PRKCH: variants seen among roughly 807,000 people sequenced by gnomAD.
The protein encoded by PRKCH is protein kinase C eta, also known as protein kinase C eta type.
A neutral mutation model predicts 82.5 loss-of-function variants in PRKCH; 28 were observed. That is an observed-to-expected ratio of 0.34 (90% CI 0.25 to 0.47). The LOEUF (loss-of-function observed/expected upper bound fraction) is 0.47. Ranked by LOEUF, PRKCH falls within the 20% of genes least tolerant of loss-of-function variation. The pLI is 1.00. For synonymous variants in PRKCH, 322 were observed against 327.4 expected (o/e 0.98, Z 0.18); for missense variants, 705 against 881.8 (o/e 0.80, Z 2.54).
chr14:61,485,622 C>G lies in PRKCH; in HGVS notation c.1399C>G (p.Leu467Val), dbSNP rs998164413. 11 of 1,614,074 alleles carry G rather than the reference C, an allele frequency of 6.8e-6. No homozygotes were observed. Among genetic ancestry groups the G allele is most frequent in the Non-Finnish European group, 9.3e-6 (11 of 1,179,980 alleles). Residue 467 changes from leucine to valine, a missense_variant, in exon 10 of 14, where the codon CTC becomes GTC. Physicochemically the swap from Leu to Val is conservative, Grantham distance 32. This residue lies in a region of PRKCH where 238 missense variants were observed against 258.1 expected (regional missense o/e 0.92). Coordinates refer to ENST00000332981, the MANE Select transcript of PRKCH (RefSeq NM_006255.5). ...CTATGCTGCAGAAATCATTTCGGCT[C>G]TCATGTTCCTCCATGATAAAGGAAT... is the stretch of plus-strand genomic sequence containing the variant. Reference protein sequence around the residue: ...RFYAAEIISALMFLHDKGIIY... With the variant: ...RFYAAEIISAVMFLHDKGIIY...
Position 61,322,441 on chromosome 14 carries a change from G to A in PRKCH, c.340G>A (p.Ala114Thr). ...CCAGGAGCTGCTGCGCACGACCGGC[G>A]CCTCGGACACCTTCGAGGGTTGGGT... ...QFQELLRTTG[A>T]SDTFEGWVDL... The change falls in exon 1 of 14, where the codon GCC (alanine) becomes ACC (threonine). Residue 114 changes from alanine to threonine, a missense_variant. Coordinates refer to ENST00000332981, the MANE Select transcript of PRKCH (RefSeq NM_006255.5). 1 of 1,596,990 alleles carries A rather than the reference G, an allele frequency of 6.3e-7. No individual in the cohort carries two copies. Among genetic ancestry groups the A allele is most frequent in the East Asian group, 2.3e-5 (1 of 44,354 alleles).
At chr14:61,490,850 G>T (rs1225911586) in intron 10 of PRKCH, among the ~76,000 whole-genome samples, 1 of 152,154 alleles carries the variant, frequency 6.6e-6, no homozygotes, top group African/African-American at 2.4e-5. Context: ...CACGGGAGGT[G>T]TAGGTTGCAG....
At chr14:61,487,415 T>C (rs1333753959) in intron 10 of PRKCH, among the ~76,000 whole-genome samples, 1 of 152,132 alleles carries the variant, frequency 6.6e-6, no homozygotes, top group Non-Finnish European at 1.5e-5. Flanking sequence ...GATCACAGCA[T>C]TTTTTTCCCA....
chr14:61,194,394 A>G (rs1219660173), intron 1 of PRKCH, among the ~76,000 whole-genome samples: 1 of 152,220 alleles, frequency 6.6e-6, no homozygotes, highest in African/African-American at 2.4e-5. Flanking sequence ...TCAGGGTGAT[A>G]GCACTCTCAT....
intron 9 of PRKCH, among the ~76,000 whole-genome samples, chr14:61,481,814 T>G (rs917774356): frequency 2.6e-5 from 4 of 152,178 alleles, no homozygotes; most frequent in African/African-American, 9.7e-5. Flanking sequence ...GATCTTTTTT[T>G]AAATTGAAAA....
chr14:61,460,554 A>G lies in PRKCH; in HGVS notation c.1278+2875A>G, dbSNP rs192666059. On this transcript the variant is annotated intron_variant, in intron 9 of 13. Transcript: ENST00000332981. The stretch of plus-strand genomic sequence containing the variant: ...TTTATGTCTGTTATTTAATCCTTAT[A>G]GTAACCCTCTGAAATAAGTTCTGTT... Among the ~76,000 whole-genome samples the G allele has an allele frequency of 2.2e-3, 340 of 152,340 alleles. 3 individuals are homozygous for G. Among genetic ancestry groups the G allele is most frequent in the Non-Finnish European group, 2.4e-3 (162 of 68,030 alleles).
intron 1 of PRKCH, among the ~76,000 whole-genome samples, chr14:61,348,725 C>G (rs1046608515): frequency 1.3e-5 from 2 of 152,256 alleles, no homozygotes. Flanking sequence ...TAGGAGTCCT[C>G]CAGGCTCAGT....
intron 1 of PRKCH, among the ~76,000 whole-genome samples, chr14:61,310,700 A>C (rs2045516410): frequency 6.6e-6 from 1 of 152,256 alleles, no homozygotes. Flanking sequence ...TCCACTAGGC[A>C]GTGACCCAAT....
intron 1 of PRKCH, among the ~76,000 whole-genome samples, chr14:61,203,771 G>A (rs955026132): frequency 4.0e-4 from 61 of 152,076 alleles, no homozygotes; most frequent in African/African-American, 1.4e-3. Context: ...ATCCCAGGAG[G>A]TTGAGGCTGC....
chr14:61,548,043 C>T (rs1158266211), intron 13 of PRKCH, among the ~76,000 whole-genome samples, 157 bp downstream of exon 13: 2 of 152,220 alleles, frequency 1.3e-5, no homozygotes, highest in Non-Finnish European at 2.9e-5. Flanking sequence ...AATCTGGGCT[C>T]CTTGTCCATG....
chr14:61,406,946 AG>A (rs749428139), intron 2 of PRKCH, among the ~76,000 whole-genome samples: 29 of 151,158 alleles, frequency 1.9e-4, no homozygotes, highest in Non-Finnish European at 4.0e-4. Flanking sequence ...CTGTGATTGG[AG>A]TAGTGTATTA....
At chr14:61,516,003 A>G (rs1371969464) in intron 10 of PRKCH, among the ~76,000 whole-genome samples, 3 of 152,156 alleles carry the variant, frequency 2.0e-5, no homozygotes, top group Non-Finnish European at 4.4e-5. Context: ...ATAAGCCCAG[A>G]GTGGTTAAGT....
intron 10 of PRKCH, among the ~76,000 whole-genome samples, chr14:61,501,488 C>T (rs1013607551): frequency 1.9e-4 from 29 of 151,928 alleles, no homozygotes; most frequent in Non-Finnish European, 1.9e-4. Context: ...GAGTCTCGTA[C>T]GTTTCCTCAT....
At chr14:61,473,697 T>C (rs1042816979) in intron 9 of PRKCH, among the ~76,000 whole-genome samples, 3 of 152,108 alleles carry the variant, frequency 2.0e-5, no homozygotes, top group African/African-American at 7.2e-5. Flanking sequence ...GAAACTATAA[T>C]ATAAAATCTT....
At chr14:61,499,077 C>T (rs1886785382) in intron 10 of PRKCH, among the ~76,000 whole-genome samples, 1 of 152,108 alleles carries the variant, frequency 6.6e-6, no homozygotes, top group Admixed American at 6.5e-5. Flanking sequence ...CTCATTAAGC[C>T]ATGCATGTTA....
At chr14:61,396,474 C>G (rs528732654) in intron 2 of PRKCH, among the ~76,000 whole-genome samples, 5 of 152,006 alleles carry the variant, frequency 3.3e-5, no homozygotes, top group Non-Finnish European at 5.9e-5. Context: ...TAAAGATGAA[C>G]GAGACATAGA....
At chr14:61,300,580 C>A (rs1372462860) in intron 1 of PRKCH, among the ~76,000 whole-genome samples, 1 of 152,112 alleles carries the variant, frequency 6.6e-6, no homozygotes, top group African/African-American at 2.4e-5. Flanking sequence ...GAATTTAAAT[C>A]GTCATTGATA....
At chr14:61,256,826 T>A (rs949452011) in intron 1 of PRKCH, among the ~76,000 whole-genome samples, 2 of 152,220 alleles carry the variant, frequency 1.3e-5, no homozygotes, top group African/African-American at 4.8e-5. Context: ...GCTAAATCTA[T>A]CTGCTTGCCT....
chr14:61,470,418 G>A (rs1052016252), intron 9 of PRKCH, among the ~76,000 whole-genome samples: 6 of 152,052 alleles, frequency 3.9e-5, no homozygotes, highest in Non-Finnish European at 8.8e-5. Flanking sequence ...TCTACCTCCC[G>A]TCTCCATCCC....
Sources: gnomAD v4.1 joint callset for allele counts (sites outside exome capture counted in the v4.1 genomes callset) on GRCh38, gnomAD v4.1.1 for gene constraint, gnomAD v4.1.1 regional missense constraint, MANE v1.5 for transcripts, NCBI Gene and HGNC (gene_info 2026-07-23, HGNC 2026-07-21) for gene names.